PIGK: variants seen among roughly 807,000 people sequenced by gnomAD.
The protein encoded by PIGK is GPI-anchor transamidase.
Under a neutral mutation model 50.6 loss-of-function variants are expected in PIGK, and 42 were observed. That is an observed-to-expected ratio of 0.83 (90% confidence interval 0.65 to 1.07). PIGK has a LOEUF of 1.07. Among genes scored for constraint, PIGK ranks in the 50% least tolerant of loss-of-function variants. The pLI, the probability that PIGK is intolerant of heterozygous loss-of-function variation, is 0.00. For missense variants in PIGK, 448 were observed against 488.7 expected (o/e 0.92, Z 0.78); for synonymous variants, 151 against 156.0 (o/e 0.97, Z 0.24).
intron 9 of PIGK, among the ~76,000 whole-genome samples, chr1:77,138,689 C>A (rs546324839): frequency 2.0e-5 from 3 of 152,146 alleles, no homozygotes; most frequent in African/African-American, 7.2e-5. Flanking sequence ...AATACTCTCA[C>A]GGGATTAGCT....
At chr1:77,194,942 C>A (rs986538462) in intron 3 of PIGK, 2 of 561,784 alleles carry the variant, frequency 3.6e-6, no homozygotes, top group African/African-American at 1.9e-5. Context: ...ACTGAAAAAG[C>A]ACTGACTACT....
intron 8 of PIGK, among the ~76,000 whole-genome samples, chr1:77,158,837 A>AT (rs1655069852): frequency 6.6e-6 from 1 of 152,178 alleles, no homozygotes; most frequent in Admixed American, 6.5e-5. Flanking sequence ...TGGACCTTAT[A>AT]TTTAAAAGGG....
At chr1:77,124,323 T>C (rs1430556738) in intron 9 of PIGK, among the ~76,000 whole-genome samples, 1 of 152,114 alleles carries the variant, frequency 6.6e-6, no homozygotes, top group Non-Finnish European at 1.5e-5. Flanking sequence ...AAAAAACACA[T>C]ACAGGCCAGG....
intron 10 of PIGK, among the ~76,000 whole-genome samples, chr1:77,119,763 T>C (rs539213389): frequency 2.4e-3 from 372 of 152,316 alleles, no homozygotes; most frequent in Non-Finnish European, 4.4e-3. Flanking sequence ...AAAGCCTCCA[T>C]CTCTCCTGCA....
chr1:77,108,498 C>T (rs1452123860), intron 10 of PIGK, among the ~76,000 whole-genome samples: 1 of 152,012 alleles, frequency 6.6e-6, no homozygotes, highest in Admixed American at 6.6e-5. Context: ...GGTAACCCGA[C>T]CTTTCTCTCT....
chr1:77,179,146 A>T (rs1363783094), intron 3 of PIGK, among the ~76,000 whole-genome samples: 1 of 152,240 alleles, frequency 6.6e-6, no homozygotes, highest in Non-Finnish European at 1.5e-5. Context: ...AAGACGTTCC[A>T]ACATCAGGAG....
intron 9 of PIGK, among the ~76,000 whole-genome samples, chr1:77,148,268 T>C (rs777653051): frequency 1.7e-4 from 26 of 152,226 alleles, no homozygotes; most frequent in African/African-American, 5.8e-4. Context: ...ATAGCATCTA[T>C]GTAAAAATTC....
At chr1:77,203,524 T>C (rs1023041482) in intron 3 of PIGK, among the ~76,000 whole-genome samples, 3 of 152,192 alleles carry the variant, frequency 2.0e-5, no homozygotes, top group Non-Finnish European at 4.4e-5. Context: ...CTTATGAGTG[T>C]ATCTTTGCAT....
At chr1:77,149,225 C>T (rs1485608863) in intron 9 of PIGK, among the ~76,000 whole-genome samples, 1 of 152,056 alleles carries the variant, frequency 6.6e-6, no homozygotes, top group African/African-American at 2.4e-5. Context: ...AAAATGGCTA[C>T]AGTAAGCCCT....
rs562162543 is a variant in PIGK at position 77,124,640 on chromosome 1, C to T, written c.987-2281G>A. 1.0e-3 allele frequency among the ~76,000 whole-genome samples: 155 copies of T among 150,282 alleles called. 2 individuals carry two copies. Among genetic ancestry groups the T allele is most frequent in the African/African-American group, 3.5e-3 (142 of 41,002 alleles). ...AACAACAAAAAAAAAAACACACACA[C>T]GCAGCAACAAAAGAAAAAGCAGACA... On this transcript the variant is annotated intron_variant, in intron 9 of 10. Transcript: ENST00000370812.
chr1:77,148,225 C>T (rs911561079), intron 9 of PIGK, among the ~76,000 whole-genome samples: 7 of 152,190 alleles, frequency 4.6e-5, no homozygotes, highest in Non-Finnish European at 8.8e-5. Flanking sequence ...TATTTGCATG[C>T]AAACAGCACC....
intron 9 of PIGK, among the ~76,000 whole-genome samples, chr1:77,133,920 C>T (rs778220971): frequency 6.6e-6 from 1 of 152,154 alleles, no homozygotes; most frequent in Non-Finnish European, 1.5e-5. Flanking sequence ...CACTGAACTG[C>T]CAAAAGCTGT....
At chr1:77,156,710 C>T (rs765391556) in intron 8 of PIGK, among the ~76,000 whole-genome samples, 3 of 152,110 alleles carry the variant, frequency 2.0e-5, no homozygotes, top group African/African-American at 4.8e-5. Context: ...CAAACCTGTA[C>T]TTACTTTTCC....
intron 5 of PIGK, among the ~76,000 whole-genome samples, chr1:77,166,429 T>C (rs1001024138): frequency 4.6e-5 from 7 of 152,124 alleles, no homozygotes; most frequent in African/African-American, 1.4e-4. Flanking sequence ...ACAGGATGAT[T>C]AGCAGGAGAA....
intron 9 of PIGK, among the ~76,000 whole-genome samples, chr1:77,143,899 C>T (rs909686235): frequency 6.6e-6 from 1 of 152,018 alleles, no homozygotes; most frequent in South Asian, 2.1e-4. Flanking sequence ...GATAAGTTCT[C>T]TCAATAATAC....
intron 10 of PIGK, among the ~76,000 whole-genome samples, chr1:77,104,928 T>C (rs1294633202): frequency 6.6e-6 from 1 of 152,160 alleles, no homozygotes; most frequent in Admixed American, 6.5e-5. Context: ...AGCAGCTCAG[T>C]TGGCCCCTTG....
chr1:77,135,374 CT>C (rs1654475891), intron 9 of PIGK, among the ~76,000 whole-genome samples: 1 of 151,810 alleles, frequency 6.6e-6, no homozygotes, highest in African/African-American at 2.4e-5. Context: ...ATGTTATATA[CT>C]CTATGTACTA....
At chr1:77,193,832 T>C (rs936392449) in intron 3 of PIGK, among the ~76,000 whole-genome samples, 5 of 152,062 alleles carry the variant, frequency 3.3e-5, no homozygotes, top group African/African-American at 1.2e-4. Context: ...AAACAAAAAT[T>C]GATAAATGGG....
intron 10 of PIGK, among the ~76,000 whole-genome samples, chr1:77,100,623 T>TTAATAAAAAAGGAGATTATCC (rs1553179549): frequency 2.0e-5 from 3 of 152,052 alleles, no homozygotes; most frequent in Non-Finnish European, 4.4e-5. Context: ...TGATTCTCAG[T>TTAATAAAAAAGGAGATTATCC]TAATAAAAAA....
Sources: gnomAD v4.1 joint callset for allele counts (sites outside exome capture counted in the v4.1 genomes callset) on GRCh38, gnomAD v4.1.1 for gene constraint, MANE v1.5 for transcripts, NCBI Gene and HGNC (gene_info 2026-07-23, HGNC 2026-07-21) for gene names.